The following STK38L variants were observed in gnomAD, a reference collection of about 807,000 sequenced individuals.
STK38L encodes the protein serine/threonine-protein kinase 38-like.
In STK38L, 28 loss-of-function variants were observed where a neutral mutation model predicts 59.7. The observed-to-expected ratio is 0.47, with a 90% CI of 0.35 to 0.64. STK38L has a LOEUF of 0.64. Ranked by LOEUF, STK38L falls within the 30% of genes least tolerant of loss-of-function variation. The probability of loss-of-function intolerance (pLI) is 0.01; values close to 1 mark genes in which losing one functional copy is unlikely to be tolerated. For synonymous variants in STK38L, 162 were observed against 176.8 expected, an observed-to-expected ratio of 0.92 and a Z score of 0.66; for missense variants, 314 against 555.8, an observed-to-expected ratio of 0.56 and a Z score of 4.37.
chr12:27,245,824 G>A (rs1942838806), intron 1 of STK38L: 1 of 152,102 alleles, frequency 6.6e-6, no homozygotes, highest in Admixed American at 6.6e-5. Context: ...ATTAAAAAAT[G>A]TTTTGGTTTG....
At chr12:27,294,963 G>A (rs1329678262) in intron 1 of STK38L, among the ~76,000 whole-genome samples, 1 of 151,788 alleles carries the variant, frequency 6.6e-6, no homozygotes, top group Non-Finnish European at 1.5e-5. Context: ...GCCTCACAAA[G>A]TGCCAGGATT....
At chr12:27,277,818 TAAAA>T (rs890432380) in intron 1 of STK38L, among the ~76,000 whole-genome samples, 1 of 147,728 alleles carries the variant, frequency 6.8e-6, no homozygotes. Context: ...TTTCTCCCCT[TAAAA>T]AAAAAAGTCT....
chr12:27,303,012 TAAAA>T (rs33949589), intron 3 of STK38L, among the ~76,000 whole-genome samples: 25 of 119,774 alleles, frequency 2.1e-4, no homozygotes, highest in African/African-American at 6.0e-4. Flanking sequence ...GACTCCGTCT[TAAAA>T]AAAAAAAAAA....
At chr12:27,304,081 GT>G (rs1214785996) in intron 3 of STK38L, among the ~76,000 whole-genome samples, 5 of 151,934 alleles carry the variant, frequency 3.3e-5, no homozygotes, top group African/African-American at 1.2e-4. Context: ...GGGAAATATA[GT>G]AAGACCTGGT....
intron 1 of STK38L, among the ~76,000 whole-genome samples, chr12:27,259,597 T>C (rs1189778781): frequency 6.6e-6 from 1 of 152,148 alleles, no homozygotes; most frequent in African/African-American, 2.4e-5. Context: ...GGTATTCAAG[T>C]GTAGAATTTT....
intron 2 of STK38L, 41 bp downstream of exon 2, chr12:27,297,895 G>T: frequency 6.2e-7 from 1 of 1,605,792 alleles, no homozygotes; most frequent in Non-Finnish European, 8.5e-7. Context: ...AGTTAAATAA[G>T]CTGTTGTGCT....
chr12:27,288,357 C>T (rs1271540363), intron 1 of STK38L, among the ~76,000 whole-genome samples: 4 of 152,002 alleles, frequency 2.6e-5, no homozygotes, highest in Admixed American at 2.0e-4. Flanking sequence ...TTACTTTTGA[C>T]GGACCCATAT....
chr12:27,320,125 G>C (rs1944688790), intron 12 of STK38L, among the ~76,000 whole-genome samples: 1 of 152,110 alleles, frequency 6.6e-6, no homozygotes, highest in African/African-American at 2.4e-5. Context: ...TATCCATCCT[G>C]ACTGAAATGC....
intron 1 of STK38L, among the ~76,000 whole-genome samples, chr12:27,265,277 T>G (rs4963687): frequency 0.4 from 60,259 of 152,036 alleles, 12,113 homozygotes; most frequent in Admixed American, 0.47. Context: ...TATGTGTGTA[T>G]GTGTGTGTAT....
rs1323732784 is a variant in STK38L, at chr12:27,308,648, C to T, written c.309+187C>T. On this transcript the variant is annotated intron_variant, in intron 4 of 13. Coordinates refer to ENST00000389032, the MANE Select transcript of STK38L (RefSeq NM_015000.4). The surrounding 1 kb of genome is among the most constrained non-coding windows in gnomAD (Gnocchi z 4.5). The stretch of plus-strand genomic sequence containing the variant: ...GAGACCAGCCTGGCCAGTGAAACCC[C>T]GTCTCTATAAAAATACAAAAATTAG... Among the ~76,000 whole-genome samples the T allele has an allele frequency of 5.3e-5, 8 of 151,836 alleles. No homozygotes were observed. Among genetic ancestry groups the T allele is most frequent in the African/African-American group, 1.7e-4 (7 of 41,444 alleles).
intron 1 of STK38L, among the ~76,000 whole-genome samples, chr12:27,271,271 T>C (rs1299951491): frequency 6.6e-6 from 1 of 152,224 alleles, no homozygotes; most frequent in East Asian, 1.9e-4. Context: ...TTTTTAGTTT[T>C]AAAAGAATTC....
At position 27,289,025 on chromosome 12, in the gene STK38L, G is replaced by A. The variant is rs376534771; in HGVS notation, c.-11-8685G>A. On this transcript the variant is annotated intron_variant, in intron 1 of 13. Transcript: ENST00000389032. Reference sequence around the variant, plus strand: ...GCATTGATTTTTTTTTCCCATCGAGGTGCTAGATTATAAGTATTTGAAGTT... The same window carrying A: ...GCATTGATTTTTTTTTCCCATCGAGATGCTAGATTATAAGTATTTGAAGTT... Among the ~76,000 whole-genome samples, 24 of 152,150 alleles carry A rather than the reference G, an allele frequency of 1.6e-4. No individual in the cohort carries two copies. In the East Asian group the frequency reaches 4.4e-3, roughly 28 times the overall value.
intron 1 of STK38L, among the ~76,000 whole-genome samples, chr12:27,258,757 T>C (rs1943142567): frequency 6.6e-6 from 1 of 152,264 alleles, no homozygotes; most frequent in Admixed American, 6.5e-5. Context: ...TCTGTTAAAA[T>C]TGTTTTAGAT....
intron 8 of STK38L, 55 bp from the exon 9 acceptor site, chr12:27,315,234 T>G (rs1565555478): frequency 1.9e-6 from 3 of 1,600,420 alleles, no homozygotes; most frequent in Non-Finnish European, 2.6e-6. Flanking sequence ...ATGTATTTTC[T>G]TTTTGTGGAG....
At chr12:27,317,531 A>C in intron 10 of STK38L, 78 bp downstream of exon 10, 4 of 1,132,364 alleles carry the variant, frequency 3.5e-6, no homozygotes, top group Non-Finnish European at 5.1e-6. Context: ...TACAGATATC[A>C]TTGACTAAAA....
chr12:27,255,662 A>G (rs1292814032), intron 1 of STK38L, among the ~76,000 whole-genome samples: 1 of 152,144 alleles, frequency 6.6e-6, no homozygotes, highest in African/African-American at 2.4e-5. Flanking sequence ...AGATCATAAG[A>G]TAGCTAACTT....
At chr12:27,319,303 T>C in intron 11 of STK38L, 25 bp from the exon 12 acceptor site, 1 of 1,497,744 alleles carries the variant, frequency 6.7e-7, no homozygotes, top group African/African-American at 1.4e-5. Flanking sequence ...TTGTGTATGA[T>C]AATTTCTCTG....
chr12:27,272,141 G>A (rs555496874), intron 1 of STK38L, among the ~76,000 whole-genome samples: 47 of 152,282 alleles, frequency 3.1e-4, no homozygotes, highest in Middle Eastern at 3.4e-3. Flanking sequence ...TCACTCAGCT[G>A]TGGTTTGTTT....
At chr12:27,314,935 G>A (rs1944549368) in intron 7 of STK38L, 80 bp from the exon 8 acceptor site, 2 of 1,047,782 alleles carry the variant, frequency 1.9e-6, no homozygotes, top group Non-Finnish European at 2.7e-6. Flanking sequence ...TATTATAATT[G>A]CCATTTAATA....
Sources: allele counts gnomAD v4.1 joint callset (sites outside exome capture counted in the v4.1 genomes callset), GRCh38; gene constraint gnomAD v4.1.1; non-coding constraint Gnocchi (gnomAD v3.1); transcripts MANE v1.5; gene names NCBI Gene and HGNC (gene_info 2026-07-23, HGNC 2026-07-21).